The following HUNK variants were observed in gnomAD, a reference collection of about 807,000 sequenced individuals.
HUNK encodes the protein hormonally up-regulated neu tumor-associated kinase.
A neutral mutation model predicts 61.0 loss-of-function variants in HUNK; 21 were observed. That is an observed-to-expected ratio of 0.34 (90% CI 0.24 to 0.50). The LOEUF (loss-of-function observed/expected upper bound fraction) is 0.50, where lower values mean the gene tolerates loss of function less well. Among genes scored for constraint, HUNK ranks in the 20% least tolerant of loss-of-function variants. HUNK has a pLI of 0.98. For synonymous variants in HUNK, 371 were observed against 386.1 expected (o/e 0.96, Z 0.46); for missense variants, 772 against 945.7 (o/e 0.82, Z 2.41).
Position 31,922,786 on chromosome 21 carries a change from C to T in HUNK, c.262-1682C>T, listed in dbSNP as rs188278360. On this transcript the variant is annotated intron_variant, in intron 1 of 10. Coordinates refer to ENST00000270112, the MANE Select transcript of HUNK (RefSeq NM_014586.2). ...ACATGTATTCATCTGTATTTATTTA[C>T]TTATTATTTATTTCTGTACTTGTAC... is the stretch of plus-strand genomic sequence containing the variant. Among the ~76,000 whole-genome samples, 3 of 152,266 alleles carry T rather than the reference C, an allele frequency of 2.0e-5. No homozygotes were observed. In the East Asian group the frequency reaches 5.8e-4, roughly 29 times the overall value.
At chr21:31,983,445 T>C in intron 7 of HUNK, 81 bp from the exon 8 acceptor site, 1 of 1,123,266 alleles carries the variant, frequency 8.9e-7, no homozygotes, top group Non-Finnish European at 1.3e-6. Flanking sequence ...AGCCAAGCGC[T>C]GGTTTAAAAA....
Position 31,985,757 on chromosome 21 carries a change from G to A in HUNK, c.1257+2148G>A, listed in dbSNP as rs554107947. ...TGAGGATGTTAGAAAGAACAGCTTC[G>A]TGAAGTGCCAAAGGCAGAAGAGAGG... On this transcript the variant is annotated intron_variant, in intron 8 of 10. Transcript: ENST00000270112. 7.2e-5 allele frequency among the ~76,000 whole-genome samples: 11 copies of A among 152,296 alleles called. No individual in the cohort carries two copies. The South Asian group carries it at 8.3e-4, about 11-fold the overall frequency.
At chr21:31,963,520 C>A (rs1004295463) in intron 5 of HUNK, among the ~76,000 whole-genome samples, 35 of 152,260 alleles carry the variant, frequency 2.3e-4, no homozygotes, top group African/African-American at 8.4e-4. Flanking sequence ...TTGTTTAAGA[C>A]AAGGTTTCAC....
chr21:31,899,437 T>A (rs1372971355), intron 1 of HUNK, among the ~76,000 whole-genome samples: 1 of 152,206 alleles, frequency 6.6e-6, no homozygotes, highest in East Asian at 1.9e-4. Context: ...CTTTGCTGTG[T>A]GTGTGTGTCT....
intron 6 of HUNK, 120 bp from the exon 7 acceptor site, chr21:31,974,435 T>C: frequency 1.1e-6 from 1 of 945,990 alleles, no homozygotes; most frequent in South Asian, 2.2e-5. Context: ...ATTTTCAAAA[T>C]AAAAACTCAA....
chr21:31,994,462 A>G (rs769289090), intron 9 of HUNK, among the ~76,000 whole-genome samples: 12 of 152,228 alleles, frequency 7.9e-5, no homozygotes, highest in Admixed American at 3.9e-4. Flanking sequence ...AACAACATGA[A>G]TGAAAAAATA....
Position 31,924,417 on chromosome 21 carries a change from C to G in HUNK, c.262-51C>G. 2 of 1,540,428 alleles carry G rather than the reference C, an allele frequency of 1.3e-6. No individual in the cohort carries two copies. Among genetic ancestry groups the G allele is most frequent in the South Asian group, 1.2e-5 (1 of 80,592 alleles). ...GGGTTCCTGTGAGTAGCCAAGGCATCGCTATTGTCTGTAATGTCTGATAAC... is the reference window on the plus strand; with the variant it reads ...GGGTTCCTGTGAGTAGCCAAGGCATGGCTATTGTCTGTAATGTCTGATAAC... On this transcript the variant is annotated intron_variant, in intron 1 of 10. Transcript: ENST00000270112. This position sits in a 1 kb window ranked among gnomAD's most constrained non-coding sequence, Gnocchi z 5.1.
intron 7 of HUNK, among the ~76,000 whole-genome samples, chr21:31,977,480 A>G (rs2053058159): frequency 1.3e-5 from 2 of 152,232 alleles, no homozygotes; most frequent in African/African-American, 4.8e-5. Flanking sequence ...AAGTAAGTTA[A>G]CAGTTCCAAA....
chr21:31,942,590 C>A (rs1290305500), intron 3 of HUNK, among the ~76,000 whole-genome samples: 2 of 152,156 alleles, frequency 1.3e-5, no homozygotes, highest in African/African-American at 4.8e-5. Flanking sequence ...GAGCCCACCC[C>A]TTCCCCTCTT....
intron 1 of HUNK, among the ~76,000 whole-genome samples, chr21:31,895,035 A>G (rs1474995838): frequency 2.0e-5 from 3 of 152,236 alleles, no homozygotes; most frequent in African/African-American, 7.2e-5. Flanking sequence ...TCTCAGGTAA[A>G]AATCTGCAGA....
chr21:31,935,255 A>G (rs2052725624), intron 2 of HUNK, among the ~76,000 whole-genome samples: 1 of 152,218 alleles, frequency 6.6e-6, no homozygotes, highest in Non-Finnish European at 1.5e-5. Flanking sequence ...ATCTATAGAC[A>G]ATGTTTTTTA....
At chr21:31,968,747 T>TGAGA (rs1361221638) in intron 6 of HUNK, among the ~76,000 whole-genome samples, 6 of 129,816 alleles carry the variant, frequency 4.6e-5, no homozygotes, top group African/African-American at 1.8e-4. Flanking sequence ...TGTGTGTGTG[T>TGAGA]GTGTGTGAGA....
At chr21:31,958,265 T>A (rs2052903030) in intron 4 of HUNK, among the ~76,000 whole-genome samples, 1 of 151,890 alleles carries the variant, frequency 6.6e-6, no homozygotes, top group African/African-American at 2.4e-5. Context: ...GGTCTTCACA[T>A]TCAAGTGCTC....
intron 1 of HUNK, among the ~76,000 whole-genome samples, chr21:31,905,097 G>C (rs911598954): frequency 6.7e-6 from 1 of 150,108 alleles, no homozygotes. Context: ...AAAAGAGGTA[G>C]TTGAGTTAAA....
At position 32,003,014 on chromosome 21, in the gene HUNK, A is replaced by G. The variant is rs991393931; in HGVS notation, c.*3830A>G. 1 of 152,242 alleles carries G rather than the reference A, an allele frequency of 6.6e-6. No individual in the cohort carries two copies. The highest frequency in any genetic ancestry group is 1.5e-5 in the Non-Finnish European group (1 of 68,046). The allele number at this position is 152,242 out of a possible 1,614,324, so 9.4% of individuals were successfully genotyped here. On this transcript the variant is annotated 3_prime_UTR_variant, in exon 11 of 11. Coordinates refer to ENST00000270112, the MANE Select transcript of HUNK (RefSeq NM_014586.2). ...CAGCCTTTCTGAAGAAGGGAAAACT[A>G]GGGACCCAGATGGTTTAAGGACACC...
At chr21:31,948,888 A>T (rs1386214078) in intron 4 of HUNK, among the ~76,000 whole-genome samples, 1 of 152,158 alleles carries the variant, frequency 6.6e-6, no homozygotes, top group East Asian at 1.9e-4. Flanking sequence ...AATTCCTGGA[A>T]CTTTCCCAGA....
At position 31,998,887 on chromosome 21, in the gene HUNK, T is replaced by C. The variant is rs1258706539; in HGVS notation, c.1848T>C (p.His616=). The change falls in exon 11 of 11, where the codon CAT becomes CAC. Residue 616 remains histidine, a synonymous_variant. Coordinates refer to ENST00000270112, the MANE Select transcript of HUNK (RefSeq NM_014586.2). The part of the protein sequence containing the change: ...GSMSPLHTPL[H]PTLVSFAHED... ...TGTCGCCTCTCCATACTCCTTTGCA[T>C]CCAACTCTGGTCTCTTTTGCTCACG... is the stretch of plus-strand genomic sequence containing the variant. The C allele has an allele frequency of 6.2e-7, 1 of 1,614,194 alleles. No homozygotes were observed. The highest frequency in any genetic ancestry group is 1.7e-5 in the Admixed American group (1 of 60,030).
intron 5 of HUNK, among the ~76,000 whole-genome samples, chr21:31,964,788 C>T (rs989552974): frequency 2.0e-5 from 3 of 152,180 alleles, no homozygotes; most frequent in Non-Finnish European, 2.9e-5. Flanking sequence ...TACTTGTGCT[C>T]ATCAGCAGTT....
In HUNK at chr21:31,964,431, T is replaced by G. The variant is rs561508456; in HGVS notation, c.875-3819T>G. Among the ~76,000 whole-genome samples the G allele has an allele frequency of 8.5e-5, 13 of 152,316 alleles. No homozygotes were observed. In the East Asian group the frequency reaches 2.5e-3, roughly 29 times the overall value. Reference sequence around the variant, plus strand: ...GGTGCTCACACAAGCCAGTCCAGACTTTGGAAAGCTGATGGTTCATGAAAG... The same window carrying G: ...GGTGCTCACACAAGCCAGTCCAGACGTTGGAAAGCTGATGGTTCATGAAAG... On this transcript the variant is annotated intron_variant, in intron 5 of 10. Coordinates refer to ENST00000270112, the MANE Select transcript of HUNK (RefSeq NM_014586.2).
Sources: gnomAD v4.1 joint callset for allele counts (sites outside exome capture counted in the v4.1 genomes callset) on GRCh38, gnomAD v4.1.1 for gene constraint, Gnocchi (gnomAD v3.1) non-coding constraint, MANE v1.5 for transcripts, NCBI Gene and HGNC (gene_info 2026-07-23, HGNC 2026-07-21) for gene names.